The following AXIN1 variants were observed in gnomAD, a reference collection of about 807,000 sequenced individuals.
AXIN1 encodes axin-1.
A neutral mutation model predicts 76.4 loss-of-function variants in AXIN1; 30 were observed. The ratio of observed to expected loss-of-function variants is 0.39; its 90% CI spans 0.29 to 0.53. The LOEUF is 0.53. Among genes scored for constraint, AXIN1 ranks in the 20% least tolerant of loss-of-function variants. AXIN1 has a pLI of 0.66. For synonymous variants in AXIN1, 545 were observed against 501.4 expected, an observed-to-expected ratio of 1.09 and a Z score of -1.16; for missense variants, 1,140 against 1,198.8, an observed-to-expected ratio of 0.95 and a Z score of 0.72.
At chr16:327,054 C>A (rs1296901720) in intron 2 of AXIN1, among the ~76,000 whole-genome samples, 2 of 151,576 alleles carry the variant, frequency 1.3e-5, no homozygotes, top group Non-Finnish European at 2.9e-5. Flanking sequence ...AGGCAGAAGA[C>A]TGGCATGAAC....
At chr16:330,544 C>A (rs1480942598) in intron 2 of AXIN1, among the ~76,000 whole-genome samples, 1 of 152,226 alleles carries the variant, frequency 6.6e-6, no homozygotes, top group Non-Finnish European at 1.5e-5. Flanking sequence ...TTCCTCTGCT[C>A]AGCGTGAACA....
At chr16:290,956 G>C (rs554295825) in intron 9 of AXIN1, 2 of 585,142 alleles carry the variant, frequency 3.4e-6, no homozygotes, top group East Asian at 2.9e-5. Context: ...GCCTCCAGCC[G>C]GGCCTTTTGG....
intron 2 of AXIN1, among the ~76,000 whole-genome samples, chr16:330,529 C>T (rs942972414): frequency 1.3e-5 from 2 of 152,208 alleles, no homozygotes; most frequent in African/African-American, 4.8e-5. Flanking sequence ...AAACTGACGA[C>T]CTCTTTCCTC....
chr16:297,652 G>T (rs1284334954), intron 6 of AXIN1, 70 bp downstream of exon 6: 34 of 1,475,490 alleles, frequency 2.3e-5, no homozygotes, highest in Admixed American at 2.2e-4. Context: ...GTTTTATGAG[G>T]AGGTTCTGGC....
chr16:326,917 GA>G (rs2053597156), intron 2 of AXIN1, among the ~76,000 whole-genome samples: 1 of 151,750 alleles, frequency 6.6e-6, no homozygotes, highest in African/African-American at 2.4e-5. Flanking sequence ...GAGGCGGGGG[GA>G]TCACGAGGTC....
At chr16:348,565 T>A (rs1322084052) in intron 1 of AXIN1, among the ~76,000 whole-genome samples, 1 of 152,176 alleles carries the variant, frequency 6.6e-6, no homozygotes, top group Non-Finnish European at 1.5e-5. Context: ...CTCAGGAGGC[T>A]GAGGCTGGAG....
At chr16:324,558 G>A (rs902932057) in intron 2 of AXIN1, among the ~76,000 whole-genome samples, 1 of 152,214 alleles carries the variant, frequency 6.6e-6, no homozygotes, top group Non-Finnish European at 1.5e-5. Flanking sequence ...ACACAACTGA[G>A]CAGAAAACGC....
Position 293,567 on chromosome 16 carries a change from G to A in AXIN1, c.2107C>T (p.Pro703Ser), listed in dbSNP as rs1369221706. 1 of 1,612,336 alleles carries A rather than the reference G, an allele frequency of 6.2e-7. No homozygotes were observed. Among genetic ancestry groups the A allele is most frequent in the East Asian group, 2.2e-5 (1 of 44,870 alleles). ...CGCGCCTCCTCCAGCTGGGTTAGGG[G>A]GTTGGGAGCTGGGTGGGGTGGCATG... is the stretch of plus-strand genomic sequence containing the variant. ...PTMPPHPAPN[P>S]LTQLEEARRR... Residue 703 changes from proline to serine, a missense_variant, in exon 8 of 11, where the codon CCC becomes TCC. Physicochemically the swap from Pro to Ser is moderately conservative, Grantham distance 74. Transcript: ENST00000262320. This position sits in a 1 kb window ranked among gnomAD's most constrained non-coding sequence, Gnocchi z 4.6.
chr16:305,607 G>A (rs967199243), intron 4 of AXIN1, among the ~76,000 whole-genome samples: 4 of 152,030 alleles, frequency 2.6e-5, no homozygotes, highest in African/African-American at 4.8e-5. Context: ...GTAGTGGCGC[G>A]ATTTCGGCTC....
chr16:290,590 T>C, intron 9 of AXIN1: 1 of 171,096 alleles, frequency 5.8e-6, no homozygotes, highest in Non-Finnish European at 1.3e-5. Context: ...TCAAGGCCCC[T>C]TTTGGGGTGT....
chr16:308,477 C>A (rs946406306), intron 4 of AXIN1, among the ~76,000 whole-genome samples: 1 of 152,242 alleles, frequency 6.6e-6, no homozygotes, highest in Admixed American at 6.5e-5. Flanking sequence ...CCCCTGTGGA[C>A]AGAAGCCTCC....
At chr16:315,523 T>C (rs537908612) in intron 2 of AXIN1, among the ~76,000 whole-genome samples, 1 of 152,332 alleles carries the variant, frequency 6.6e-6, no homozygotes, top group Non-Finnish European at 1.5e-5. Context: ...AAACAAAATT[T>C]TTCATTTCTA....
chr16:297,580 C>G (rs2052748613), intron 6 of AXIN1, 142 bp downstream of exon 6: 1 of 1,252,578 alleles, frequency 8.0e-7, no homozygotes, highest in Admixed American at 2.9e-5. Flanking sequence ...GACCCAGGGC[C>G]CAGTCCACTC....
At chr16:295,361 C>T (rs1257435445) in intron 7 of AXIN1, among the ~76,000 whole-genome samples, 3 of 151,892 alleles carry the variant, frequency 2.0e-5, no homozygotes, top group African/African-American at 4.8e-5. Flanking sequence ...CCACCTGCCT[C>T]GGCCTCCCAA....
At chr16:311,117 G>GC (rs67816154) in intron 3 of AXIN1, among the ~76,000 whole-genome samples, 152,019 of 152,022 alleles carry the variant, frequency 1, 76,008 homozygotes, top group Middle Eastern at 1. Context: ...ACTGCAAGCC[G>GC]CTCCCGGGTT....
intron 2 of AXIN1, among the ~76,000 whole-genome samples, chr16:320,573 T>C (rs1160936489): frequency 1.3e-5 from 2 of 151,852 alleles, no homozygotes; most frequent in African/African-American, 2.4e-5. Flanking sequence ...ACGTGCAAAT[T>C]TGAGAGAGTT....
chr16:320,723 G>GTA lies in AXIN1; in HGVS notation c.879-6042_879-6041dup, dbSNP rs754089481. On this transcript the variant is annotated intron_variant, in intron 2 of 10. Transcript: ENST00000262320. The stretch of plus-strand genomic sequence containing the variant: ...TATGCATACGTATATGCGTGTGTGT[G>GTA]TATATATATATATATATATATTTTT... Among the ~76,000 whole-genome samples, 1,167 of 120,004 alleles carry GTA rather than the reference G, an allele frequency of 9.7e-3. 19 individuals are homozygous for GTA. The highest frequency in any genetic ancestry group is 0.019 in the East Asian group (93 of 4,814). The allele number at this position is 120,004 out of a possible 152,430, so 78.7% of individuals were successfully genotyped here. A position where few individuals can be genotyped will look rare whatever the true frequency, so the allele number is the denominator to read the frequency against.
chr16:351,096 G>A (rs9921342), intron 1 of AXIN1, among the ~76,000 whole-genome samples: 181 of 149,730 alleles, frequency 1.2e-3, no homozygotes, highest in African/African-American at 4.4e-3. Context: ...CACGCCATTG[G>A]ACTCCAGCCT....
intron 9 of AXIN1, 70 bp from the exon 10 acceptor site, chr16:289,677 T>G (rs2052497764): frequency 6.3e-7 from 1 of 1,587,862 alleles, no homozygotes; most frequent in Non-Finnish European, 8.6e-7. Context: ...CCTGCTGGCC[T>G]CAGGCTGCCA....
Sources: gnomAD v4.1 joint callset for allele counts (sites outside exome capture counted in the v4.1 genomes callset) on GRCh38, gnomAD v4.1.1 for gene constraint, Gnocchi (gnomAD v3.1) non-coding constraint, MANE v1.5 for transcripts, NCBI Gene and HGNC (gene_info 2026-07-23, HGNC 2026-07-21) for gene names.